Variants in CA8 observed in about 807,000 individuals in gnomAD.
The protein encoded by CA8 is carbonic anhydrase 8 (inactive), also known as carbonic anhydrase-related protein.
CA8 carries 22 observed loss-of-function variants against 41.4 expected under a neutral mutation model. The ratio of observed to expected loss-of-function variants is 0.53; its 90% CI spans 0.38 to 0.76. The LOEUF is 0.76. Ranked by LOEUF, CA8 falls within the 30% of genes least tolerant of loss-of-function variation. CA8 has a pLI of 0.00. For missense variants in CA8, 270 were observed against 352.8 expected, an observed-to-expected ratio of 0.77 and a Z score of 1.88; for synonymous variants, 121 against 130.6, an observed-to-expected ratio of 0.93 and a Z score of 0.50.
intron 2 of CA8, among the ~76,000 whole-genome samples, chr8:60,273,663 A>T (rs1489181331): frequency 6.6e-6 from 1 of 152,280 alleles, no homozygotes. Flanking sequence ...AATTAGGAAG[A>T]AGTGTCAGGG....
chr8:60,229,951 C>A (rs1424676551), intron 4 of CA8, among the ~76,000 whole-genome samples: 1 of 152,232 alleles, frequency 6.6e-6, no homozygotes, highest in Admixed American at 6.5e-5. Context: ...GGATAAAGAA[C>A]AACCCACCAT....
chr8:60,215,037 T>G (rs1254058112), intron 7 of CA8, among the ~76,000 whole-genome samples: 1 of 152,170 alleles, frequency 6.6e-6, no homozygotes, highest in Non-Finnish European at 1.5e-5. Context: ...AAAACTTAAT[T>G]ATCAACCCAT....
At chr8:60,240,222 C>T (rs1347592686) in intron 3 of CA8, among the ~76,000 whole-genome samples, 1 of 152,112 alleles carries the variant, frequency 6.6e-6, no homozygotes, top group African/African-American at 2.4e-5. Context: ...ATGACAGCTG[C>T]AAAGAAACAA....
intron 3 of CA8, among the ~76,000 whole-genome samples, chr8:60,254,732 A>C (rs1346074985): frequency 6.6e-6 from 1 of 152,216 alleles, no homozygotes; most frequent in Non-Finnish European, 1.5e-5. Context: ...AATGGTGATC[A>C]GCTCAGGCCA....
At chr8:60,211,203 A>T (rs1013725784) in intron 7 of CA8, among the ~76,000 whole-genome samples, 10 of 152,206 alleles carry the variant, frequency 6.6e-5, no homozygotes, top group African/African-American at 2.4e-4. Flanking sequence ...CATGAAAATC[A>T]CTCAGCATAG....
At chr8:60,258,228 T>C (rs906587014) in intron 3 of CA8, among the ~76,000 whole-genome samples, 3 of 152,214 alleles carry the variant, frequency 2.0e-5, no homozygotes, top group African/African-American at 7.2e-5. Context: ...ATAACAGTCC[T>C]AAAGTGTAGA....
intron 3 of CA8, among the ~76,000 whole-genome samples, chr8:60,250,306 T>C (rs985782742): frequency 6.6e-6 from 1 of 152,192 alleles, no homozygotes; most frequent in Non-Finnish European, 1.5e-5. Flanking sequence ...ACAGAATAAA[T>C]GGCAACTGTC....
chr8:60,259,591 A>G (rs1803662278), intron 3 of CA8, among the ~76,000 whole-genome samples: 1 of 152,222 alleles, frequency 6.6e-6, no homozygotes, highest in Admixed American at 6.5e-5. Context: ...CTGTTTGTTC[A>G]ACATTGTAAT....
At chr8:60,268,565 A>G (rs1329055188) in intron 2 of CA8, among the ~76,000 whole-genome samples, 7 of 152,232 alleles carry the variant, frequency 4.6e-5, no homozygotes, top group Non-Finnish European at 1.0e-4. Context: ...TAAGTGAAAC[A>G]CTGTGGAAAT....
At chr8:60,196,548 T>TA (rs930799809) in intron 8 of CA8, among the ~76,000 whole-genome samples, 5 of 152,114 alleles carry the variant, frequency 3.3e-5, no homozygotes, top group Non-Finnish European at 5.9e-5. Context: ...ATGACAGACA[T>TA]AAAAAAACTT....
At chr8:60,230,839 C>A (rs923651145) in intron 4 of CA8, among the ~76,000 whole-genome samples, 1 of 152,202 alleles carries the variant, frequency 6.6e-6, no homozygotes, top group Non-Finnish European at 1.5e-5. Context: ...TCCAGGTCAC[C>A]TGTTAAATGC....
rs553144429 is a variant in CA8, at chr8:60,280,935, A to C, written c.100+113T>G. 47 of 761,170 alleles carry C rather than the reference A, an allele frequency of 6.2e-5. No individual in the cohort carries two copies. In the Middle Eastern group the frequency reaches 3.1e-3, roughly 50 times the overall value. 47.2% of individuals were successfully genotyped at this position (761,170 alleles called of 1,614,324 possible). A position where few individuals can be genotyped will look rare whatever the true frequency, so the allele number is the denominator to read the frequency against. Reference sequence around the variant, plus strand: ...AGTGGCAGAGACCCCCGTGGGAAAGAGGGGGCGTGGGGGTGCTCGGAGCGC... The same window carrying C: ...AGTGGCAGAGACCCCCGTGGGAAAGCGGGGGCGTGGGGGTGCTCGGAGCGC... On this transcript the variant is annotated intron_variant, in intron 1 of 8. Coordinates refer to ENST00000317995, the MANE Select transcript of CA8 (RefSeq NM_004056.6).
At chr8:60,244,444 T>C (rs907694053) in intron 3 of CA8, among the ~76,000 whole-genome samples, 1 of 152,234 alleles carries the variant, frequency 6.6e-6, no homozygotes, top group Admixed American at 6.5e-5. Flanking sequence ...TTTTACAATC[T>C]TGATAAGTAT....
Position 60,188,289 on chromosome 8 carries a change from G to A in CA8, c.*1732C>T, listed in dbSNP as rs1040793542. On this transcript the variant is annotated 3_prime_UTR_variant, in exon 9 of 9. Coordinates refer to ENST00000317995, the MANE Select transcript of CA8 (RefSeq NM_004056.6). ...GTTTATTTTGTGTATTTCAGGGAAA[G>A]ATGAAAGAAGATTGCAAGAAGCATC... The A allele has an allele frequency of 6.6e-6, 1 of 152,170 alleles. No homozygotes were observed. Among genetic ancestry groups the A allele is most frequent in the Non-Finnish European group, 1.5e-5 (1 of 68,040 alleles). The allele number at this position is 152,170 out of a possible 1,614,324, so 9.4% of individuals were successfully genotyped here.
intron 3 of CA8, among the ~76,000 whole-genome samples, chr8:60,241,220 G>A (rs1017873808): frequency 2.0e-5 from 3 of 152,178 alleles, no homozygotes; most frequent in Non-Finnish European, 4.4e-5. Flanking sequence ...AGATATAACA[G>A]TGACAAAATA....
intron 2 of CA8, among the ~76,000 whole-genome samples, chr8:60,274,151 T>C (rs1334810460): frequency 1.8e-5 from 1 of 54,280 alleles, no homozygotes; most frequent in Non-Finnish European, 3.5e-5. Flanking sequence ...GTGCTTCTTG[T>C]GTGGATTTTT....
At chr8:60,278,382 G>A (rs1056360584) in intron 2 of CA8, among the ~76,000 whole-genome samples, 5 of 152,212 alleles carry the variant, frequency 3.3e-5, no homozygotes, top group Non-Finnish European at 5.9e-5. Context: ...CATGGCACCT[G>A]ACATGAAATG....
In CA8 at chr8:60,186,485, A is replaced by C. The variant is rs1480605810; in HGVS notation, c.*3536T>G. ...AAAAAAAAGTAATAGAGGAGGAATA[A>C]AGGAACAACAACAAAAAGATACAAG... is the stretch of plus-strand genomic sequence containing the variant. On this transcript the variant is annotated 3_prime_UTR_variant, in exon 9 of 9. Transcript: ENST00000317995. 6.6e-6 allele frequency among the ~76,000 whole-genome samples: 1 copy of C among 151,940 alleles called. No homozygotes were observed. Among genetic ancestry groups the C allele is most frequent in the Non-Finnish European group, 1.5e-5 (1 of 67,902 alleles).
intron 7 of CA8, among the ~76,000 whole-genome samples, chr8:60,219,583 AT>A (rs1235279132): frequency 6.6e-6 from 1 of 152,202 alleles, no homozygotes; most frequent in Admixed American, 6.5e-5. Context: ...GATACAGAAC[AT>A]AATAACAGAA....
Sources: gnomAD v4.1 joint callset for allele counts (sites outside exome capture counted in the v4.1 genomes callset) on GRCh38, gnomAD v4.1.1 for gene constraint, MANE v1.5 for transcripts, NCBI Gene and HGNC (gene_info 2026-07-23, HGNC 2026-07-21) for gene names.